Variants in UBE2H observed in about 807,000 individuals in gnomAD.
UBE2H encodes ubiquitin-conjugating enzyme E2 H.
A neutral mutation model predicts 29.0 loss-of-function variants in UBE2H; 3 were observed. That is an observed-to-expected ratio of 0.10 (90% CI 0.05 to 0.27). The LOEUF is 0.27. Among genes scored for constraint, UBE2H ranks in the 10% least tolerant of loss-of-function variants. The pLI, the probability that UBE2H is intolerant of heterozygous loss-of-function variation, is 1.00. For missense variants in UBE2H, 68 were observed against 228.2 expected (o/e 0.30, Z 4.52); for synonymous variants, 69 against 82.9 (o/e 0.83, Z 0.91).
chr7:129,836,636 T>C (rs1013808555), intron 6 of UBE2H, among the ~76,000 whole-genome samples: 1 of 152,072 alleles, frequency 6.6e-6, no homozygotes, highest in East Asian at 1.9e-4. Flanking sequence ...ACCCAGCACT[T>C]TGGGAGGCCA....
chr7:129,941,197 A>G lies in UBE2H; in HGVS notation c.53+11306T>C, dbSNP rs548446509. Among the ~76,000 whole-genome samples, 7 of 147,110 alleles carry G rather than the reference A, an allele frequency of 4.8e-5. No individual in the cohort carries two copies. The South Asian group carries it at 1.5e-3, about 32-fold the overall frequency. ...TGGTCTCGAACTCCTGAGTTCAAGC[A>G]ACGCCCGGCTAATTTTTTGTATTTT... is the stretch of plus-strand genomic sequence containing the variant. On this transcript the variant is annotated intron_variant, in intron 1 of 6. Transcript: ENST00000355621.
intron 3 of UBE2H, among the ~76,000 whole-genome samples, chr7:129,867,236 C>T (rs575011272): frequency 2.4e-4 from 37 of 152,172 alleles, no homozygotes; most frequent in Admixed American, 2.4e-3. Flanking sequence ...GAAGACCATC[C>T]TACACATGCA....
intron 6 of UBE2H, among the ~76,000 whole-genome samples, chr7:129,838,785 C>T (rs1472900630): frequency 1.2e-4 from 19 of 152,012 alleles, no homozygotes; most frequent in South Asian, 2.1e-4. Flanking sequence ...ACTACAGGCG[C>T]GTGCCACCAC....
rs117739415 is a variant in UBE2H, at chr7:129,896,567, G to A, written c.54-15596C>T. On this transcript the variant is annotated intron_variant, in intron 1 of 6. Coordinates refer to ENST00000355621, the MANE Select transcript of UBE2H (RefSeq NM_003344.4). ...ATTACAGGCATGCATCAGCACATCCGGCTCATTTTTTATTTTTTGTATAGA... is the reference window on the plus strand; with the variant it reads ...ATTACAGGCATGCATCAGCACATCCAGCTCATTTTTTATTTTTTGTATAGA... 4.9e-3 allele frequency among the ~76,000 whole-genome samples: 750 copies of A among 151,732 alleles called. 3 individuals are homozygous for A. The highest frequency in any genetic ancestry group is 9.3e-3 in the Non-Finnish European group (633 of 67,914).
chr7:129,895,422 A>C (rs1806580571), intron 1 of UBE2H, among the ~76,000 whole-genome samples: 1 of 152,188 alleles, frequency 6.6e-6, no homozygotes, highest in Non-Finnish European at 1.5e-5. Context: ...AAGGAAAACA[A>C]ATCACAACCT....
intron 3 of UBE2H, among the ~76,000 whole-genome samples, chr7:129,868,932 TCTC>T (rs1402623201): frequency 1.6e-3 from 105 of 64,502 alleles, no homozygotes; most frequent in African/African-American, 2.5e-3. Context: ...TCTCTCTCTC[TCTC>T]TTTTTTTTTT....
chr7:129,935,337 C>T (rs1377706855), intron 1 of UBE2H, among the ~76,000 whole-genome samples: 1 of 150,242 alleles, frequency 6.7e-6, no homozygotes, highest in African/African-American at 2.5e-5. Flanking sequence ...CGCTTGAACC[C>T]GAGAGGCGAG....
chr7:129,937,537 C>CGTGGATAAAAAAGATGA lies in UBE2H; in HGVS notation c.53+14949_53+14965dup, dbSNP rs949604993. On this transcript the variant is annotated intron_variant, in intron 1 of 6. Transcript: ENST00000355621. ...TACTAACTACTTTAATGCAGGAGCT[C>CGTGGATAAAAAAGATGA]GTGGATAAAAAAGATGAGTGGATAA... 3.3e-5 allele frequency among the ~76,000 whole-genome samples: 5 copies of CGTGGATAAAAAAGATGA among 152,186 alleles called. No individual in the cohort carries two copies. The East Asian group carries it at 9.6e-4, about 29-fold the overall frequency.
intron 3 of UBE2H, among the ~76,000 whole-genome samples, chr7:129,859,674 A>G (rs574981049): frequency 2.0e-5 from 3 of 152,202 alleles, no homozygotes; most frequent in African/African-American, 7.2e-5. Context: ...AATTAATAAA[A>G]CCAGTTATTC....
chr7:129,947,427 C>G (rs1032105794), intron 1 of UBE2H, among the ~76,000 whole-genome samples: 1 of 152,140 alleles, frequency 6.6e-6, no homozygotes, highest in Non-Finnish European at 1.5e-5. Flanking sequence ...CCAATTGACA[C>G]TAGAACTAGT....
At position 129,834,955 on chromosome 7, in the gene UBE2H, G is replaced by A. The variant is rs756412756; in HGVS notation, c.534C>T (p.Ala178=). Residue 178 remains alanine, a synonymous_variant, in exon 7 of 7, where the codon GCC becomes GCT. Transcript: ENST00000355621. ...SSMSDFSEDE[A]QDMEL Reference sequence around the variant, plus strand: ...TTTTCTACTACAACTCCATATCCTGGGCCTCATCTTCGGAAAAGTCAGACA... The same window carrying A: ...TTTTCTACTACAACTCCATATCCTGAGCCTCATCTTCGGAAAAGTCAGACA... The A allele has an allele frequency of 6.2e-7, 1 of 1,613,050 alleles. No individual in the cohort carries two copies. Among genetic ancestry groups the A allele is most frequent in the African/African-American group, 1.3e-5 (1 of 74,778 alleles).
chr7:129,864,183 A>G (rs1340287371), intron 3 of UBE2H, among the ~76,000 whole-genome samples: 1 of 152,254 alleles, frequency 6.6e-6, no homozygotes, highest in African/African-American at 2.4e-5. Context: ...AGCTGTGGGC[A>G]GTGTTTCTGG....
chr7:129,894,889 C>T (rs1015573589), intron 1 of UBE2H, among the ~76,000 whole-genome samples: 6 of 152,094 alleles, frequency 3.9e-5, no homozygotes, highest in African/African-American at 1.4e-4. Flanking sequence ...GCTAGTCAAG[C>T]ATTCAGTTTA....
intron 1 of UBE2H, among the ~76,000 whole-genome samples, chr7:129,886,399 G>A (rs1181436561): frequency 6.6e-6 from 1 of 152,108 alleles, no homozygotes; most frequent in African/African-American, 2.4e-5. Context: ...GACATTCTTG[G>A]CAAAATGTGT....
At chr7:129,944,740 A>ACG (rs1554441955) in intron 1 of UBE2H, among the ~76,000 whole-genome samples, 9 of 142,576 alleles carry the variant, frequency 6.3e-5, no homozygotes, top group African/African-American at 1.3e-4. Context: ...ACACACACAC[A>ACG]CACACACACA....
intron 1 of UBE2H, among the ~76,000 whole-genome samples, chr7:129,938,680 T>C (rs1446215354): frequency 1.4e-5 from 2 of 147,826 alleles, no homozygotes; most frequent in African/African-American, 5.0e-5. Flanking sequence ...CACTCCAGCC[T>C]GGGCGCCAAG....
intron 1 of UBE2H, among the ~76,000 whole-genome samples, chr7:129,949,825 A>T (rs1041115702): frequency 6.6e-6 from 1 of 152,188 alleles, no homozygotes; most frequent in East Asian, 1.9e-4. Flanking sequence ...AATTACGCTC[A>T]GGAGACATCC....
At position 129,855,508 on chromosome 7, in the gene UBE2H, T is replaced by A. The variant is rs74998441; in HGVS notation, c.298+2003A>T. On this transcript the variant is annotated intron_variant, in intron 5 of 6. Coordinates refer to ENST00000355621, the MANE Select transcript of UBE2H (RefSeq NM_003344.4). ...TTGTTGCCTCAACTATATGCCATCATCTCCCCTAAAACTCTCTTGTTAAAC... is the reference window on the plus strand; with the variant it reads ...TTGTTGCCTCAACTATATGCCATCAACTCCCCTAAAACTCTCTTGTTAAAC... Among the ~76,000 whole-genome samples, 668 of 152,286 alleles carry A rather than the reference T, an allele frequency of 4.4e-3. 4 individuals carry two copies. The highest frequency in any genetic ancestry group is 0.014 in the African/African-American group (599 of 41,542).
At chr7:129,854,074 T>TTTTATTTTTTTTTTATTTTTA (rs1286944384) in intron 5 of UBE2H, among the ~76,000 whole-genome samples, 2 of 150,016 alleles carry the variant, frequency 1.3e-5, no homozygotes, top group Admixed American at 1.3e-4. Flanking sequence ...TTTTTTTTTT[T>TTTTATTTTTTTTTTATTTTTA]TTTTTTTTGG....
Sources: allele counts gnomAD v4.1 joint callset (sites outside exome capture counted in the v4.1 genomes callset), GRCh38; gene constraint gnomAD v4.1.1; transcripts MANE v1.5; gene names NCBI Gene and HGNC (gene_info 2026-07-23, HGNC 2026-07-21).